Variants in CCND2 observed in about 807,000 individuals in gnomAD.
CCND2 encodes the protein G1/S-specific cyclin-D2.
A neutral mutation model predicts 30.2 loss-of-function variants in CCND2; 6 were observed. The observed-to-expected ratio is 0.20, with a 90% CI of 0.11 to 0.39. The LOEUF is 0.39. CCND2 is among the 10% of genes least tolerant of loss of function. CCND2 has a pLI of 1.00. For synonymous variants in CCND2, 150 were observed against 153.1 expected, an observed-to-expected ratio of 0.98 and a Z score of 0.15; for missense variants, 235 against 373.4, an observed-to-expected ratio of 0.63 and a Z score of 3.06.
chr12:4,275,085 G>A (rs1863847945), intron 1 of CCND2: 1 of 152,138 alleles, frequency 6.6e-6, no homozygotes, highest in South Asian at 2.1e-4. Flanking sequence ...GGGAGGGGGT[G>A]TGTGTAGGGG....
intron 3 of CCND2, among the ~76,000 whole-genome samples, chr12:4,282,000 G>A (rs1863954344): frequency 6.6e-6 from 1 of 152,140 alleles, no homozygotes; most frequent in South Asian, 2.1e-4. Context: ...TAGCATTCCT[G>A]TTCCTGGAGT....
At chr12:4,290,678 C>G (rs1467091882) in intron 4 of CCND2, among the ~76,000 whole-genome samples, 2 of 152,020 alleles carry the variant, frequency 1.3e-5, no homozygotes, top group Non-Finnish European at 2.9e-5. Flanking sequence ...CAGCCTTTTC[C>G]CACCTCCCTT....
Position 4,300,234 on chromosome 12 carries a change from T to A in CCND2, c.*225T>A, listed in dbSNP as rs1003918194. ...TTGAAGTACAGCATAAGGGAATCCC[T>A]TGTATATGCGAACAGTTATTGTTTG... On this transcript the variant is annotated 3_prime_UTR_variant, in exon 5 of 5. Coordinates refer to ENST00000261254, the MANE Select transcript of CCND2 (RefSeq NM_001759.4). 1.7e-5 allele frequency: 8 copies of A among 469,956 alleles called. No homozygotes were observed. The highest frequency in any genetic ancestry group is 1.1e-5 in the Non-Finnish European group (3 of 263,444). 29.1% of individuals were successfully genotyped at this position (469,956 alleles called of 1,614,324 possible). A position where few individuals can be genotyped will look rare whatever the true frequency, so the allele number is the denominator to read the frequency against.
chr12:4,301,684 GTTT>G lies in CCND2; in HGVS notation c.*1688_*1690del, dbSNP rs34569142. 7.8e-4 allele frequency: 146 copies of G among 186,316 alleles called. No individual in the cohort carries two copies. The highest frequency in any genetic ancestry group is 1.6e-3 in the Middle Eastern group (1 of 614). The allele number at this position is 186,316 out of a possible 1,614,324, so 11.5% of individuals were successfully genotyped here. A position where few individuals can be genotyped will look rare whatever the true frequency, so the allele number is the denominator to read the frequency against. On this transcript the variant is annotated 3_prime_UTR_variant, in exon 5 of 5. Coordinates refer to ENST00000261254, the MANE Select transcript of CCND2 (RefSeq NM_001759.4). ...TTTTAATTTTGTTTTGTTCAGTTTG[GTTT>G]TTTTTTTTTTTTGCGCTGCTAAGAA...
chr12:4,300,052 G>A lies in CCND2; in HGVS notation c.*43G>A. ...AAAGAGAGAGACGCGTCCATAATCT[G>A]GTCTCTTCTTCTTTCTGGTTGTTTT... On this transcript the variant is annotated 3_prime_UTR_variant, in exon 5 of 5. Transcript: ENST00000261254. 1 of 1,566,036 alleles carries A rather than the reference G, an allele frequency of 6.4e-7. No individual in the cohort carries two copies. Among genetic ancestry groups the A allele is most frequent in the Non-Finnish European group, 8.7e-7 (1 of 1,151,956 alleles).
intron 4 of CCND2, among the ~76,000 whole-genome samples, chr12:4,290,031 A>G (rs558258146): frequency 1.1e-4 from 17 of 152,282 alleles, no homozygotes; most frequent in Admixed American, 9.8e-4. Flanking sequence ...GCACTTCACG[A>G]TGACACCCTC....
rs1333825281 is a variant in CCND2 at position 4,287,275 on chromosome 12, T to C, written c.572-1567T>C. Among the ~76,000 whole-genome samples, 1 of 152,166 alleles carries C rather than the reference T, an allele frequency of 6.6e-6. No homozygotes were observed. Among genetic ancestry groups the C allele is most frequent in the Non-Finnish European group, 1.5e-5 (1 of 68,042 alleles). On this transcript the variant is annotated intron_variant, in intron 3 of 4. Transcript: ENST00000261254. The surrounding 1 kb of genome is among the most constrained non-coding windows in gnomAD (Gnocchi z 4.0). ...GTGCTTGGCTCAGGGATCCACGGTG[T>C]CTAACAATGCTGCTAACTTGATGCT...
chr12:4,277,865 A>T (rs1863895183), intron 2 of CCND2, among the ~76,000 whole-genome samples: 1 of 152,276 alleles, frequency 6.6e-6, no homozygotes, highest in African/African-American at 2.4e-5. Flanking sequence ...TTCTGGTAGC[A>T]CATACGATAT....
chr12:4,296,424 C>T (rs1392126861), intron 4 of CCND2, among the ~76,000 whole-genome samples: 1 of 152,240 alleles, frequency 6.6e-6, no homozygotes, highest in Non-Finnish European at 1.5e-5. Context: ...CATGCGAAAC[C>T]CTCTTTAAAG....
chr12:4,289,021 C>T lies in CCND2; in HGVS notation c.720+31C>T, dbSNP rs748277013. 5.7e-6 allele frequency: 9 copies of T among 1,583,488 alleles called. 1 individual carries two copies. In the Admixed American group the frequency reaches 9.0e-5, roughly 16 times the overall value. The stretch of plus-strand genomic sequence containing the variant: ...TGGCCACCACCTTCTTGGCTAAGTC[C>T]AGATGTCTCTTCTCAGCTCAGGGAA... On this transcript the variant is annotated intron_variant, in intron 4 of 4. Coordinates refer to ENST00000261254, the MANE Select transcript of CCND2 (RefSeq NM_001759.4).
At chr12:4,297,296 G>A (rs1338468284) in intron 4 of CCND2, among the ~76,000 whole-genome samples, 1 of 152,098 alleles carries the variant, frequency 6.6e-6, no homozygotes, top group Non-Finnish European at 1.5e-5. Flanking sequence ...TTCAGGCCGG[G>A]CTCAGTGGCT....
chr12:4,302,623 C>T lies in CCND2; in HGVS notation c.*2614C>T. On this transcript the variant is annotated 3_prime_UTR_variant, in exon 5 of 5. Coordinates refer to ENST00000261254, the MANE Select transcript of CCND2 (RefSeq NM_001759.4). ...ACTGCGCAGGCAAGCACTATGCAAG[C>T]CCAGGCCCTCTGCTGAGCGGTACTA... The T allele has an allele frequency of 4.3e-6, 1 of 233,276 alleles. No individual in the cohort carries two copies. Among genetic ancestry groups the T allele is most frequent in the East Asian group, 6.0e-5 (1 of 16,578 alleles). The allele number at this position is 233,276 out of a possible 1,614,324, so 14.5% of individuals were successfully genotyped here.
At chr12:4,295,705 A>T (rs1177291627) in intron 4 of CCND2, among the ~76,000 whole-genome samples, 1 of 152,188 alleles carries the variant, frequency 6.6e-6, no homozygotes, top group East Asian at 1.9e-4. Flanking sequence ...TGAACCCAGG[A>T]GGTGGAGGTT....
At chr12:4,294,460 GC>G (rs1446167619) in intron 4 of CCND2, among the ~76,000 whole-genome samples, 1 of 152,174 alleles carries the variant, frequency 6.6e-6, no homozygotes, top group African/African-American at 2.4e-5. Context: ...CTGCAGGAAA[GC>G]TGATGTCCTA....
intron 3 of CCND2, among the ~76,000 whole-genome samples, chr12:4,281,469 CAG>C (rs1863947536): frequency 6.6e-6 from 1 of 152,180 alleles, no homozygotes; most frequent in Non-Finnish European, 1.5e-5. Context: ...GACTGAGAGG[CAG>C]AGGTAGGAGA....
Position 4,274,258 on chromosome 12 carries a change from C to A in CCND2, c.195+23C>A. On this transcript the variant is annotated intron_variant, in intron 1 of 4. Transcript: ENST00000261254. This position sits in a 1 kb window ranked among gnomAD's most constrained non-coding sequence, Gnocchi z 7.7. ...GAGGTAGGTCGGGGGGTGGCGCTCG[C>A]CAGGAGCCAGGACCCCTCCGGATGC... The A allele has an allele frequency of 6.2e-7, 1 of 1,611,322 alleles. No homozygotes were observed. Among genetic ancestry groups the A allele is most frequent in the Non-Finnish European group, 8.5e-7 (1 of 1,178,310 alleles).
In CCND2 at chr12:4,285,582, C is replaced by G. The variant is rs1025558922; in HGVS notation, c.572-3260C>G. 1 of 253,988 alleles carries G rather than the reference C, an allele frequency of 3.9e-6. No individual in the cohort carries two copies. The highest frequency in any genetic ancestry group is 6.2e-6 in the Non-Finnish European group (1 of 161,316). The allele number at this position is 253,988 out of a possible 1,614,324, so 15.7% of individuals were successfully genotyped here. On this transcript the variant is annotated intron_variant, in intron 3 of 4. Coordinates refer to ENST00000261254, the MANE Select transcript of CCND2 (RefSeq NM_001759.4). This position sits in a 1 kb window ranked among gnomAD's most constrained non-coding sequence, Gnocchi z 4.1. ...GTATGTATTTACCCATGGTTGTAAT[C>G]TTCATCGTCGCATGCATGCATGCAA...
chr12:4,287,865 C>G lies in CCND2; in HGVS notation c.572-977C>G, dbSNP rs529935821. On this transcript the variant is annotated intron_variant, in intron 3 of 4. Transcript: ENST00000261254. The surrounding 1 kb of genome is among the most constrained non-coding windows in gnomAD (Gnocchi z 4.0). ...CACCCAGCCCCTCTGAAGGAGTGCT[C>G]GGAGGAACACAAGGGGGCTGGTCTT... 6.6e-6 allele frequency among the ~76,000 whole-genome samples: 1 copy of G among 152,132 alleles called. No individual in the cohort carries two copies. The highest frequency in any genetic ancestry group is 6.5e-5 in the Admixed American group (1 of 15,274).
At position 4,299,231 on chromosome 12, in the gene CCND2, G is replaced by A. The variant is rs368822253; in HGVS notation, c.721-629G>A. Reference sequence around the variant, plus strand: ...AAAAATTAGCCAGGCGCGGTGGCGGGTGCCTGTAGTCCCAGCTACTTGGGA... The same window carrying A: ...AAAAATTAGCCAGGCGCGGTGGCGGATGCCTGTAGTCCCAGCTACTTGGGA... On this transcript the variant is annotated intron_variant, in intron 4 of 4. Transcript: ENST00000261254. This position sits in a 1 kb window ranked among gnomAD's most constrained non-coding sequence, Gnocchi z 5.2. Among the ~76,000 whole-genome samples, 1 of 152,172 alleles carries A rather than the reference G, an allele frequency of 6.6e-6. No homozygotes were observed. The highest frequency in any genetic ancestry group is 1.5e-5 in the Non-Finnish European group (1 of 68,028).
Sources: allele counts gnomAD v4.1 joint callset (sites outside exome capture counted in the v4.1 genomes callset), GRCh38; gene constraint gnomAD v4.1.1; non-coding constraint Gnocchi (gnomAD v3.1); transcripts MANE v1.5; gene names NCBI Gene and HGNC (gene_info 2026-07-23, HGNC 2026-07-21).